The following RPH3A variants were observed in gnomAD, a reference collection of about 807,000 sequenced individuals.
The protein encoded by RPH3A is rabphilin-3A.
A neutral mutation model predicts 102.2 loss-of-function variants in RPH3A; 48 were observed. The ratio of observed to expected loss-of-function variants is 0.47; its 90% confidence interval spans 0.37 to 0.60. The LOEUF (loss-of-function observed/expected upper bound fraction) is 0.60. Ranked by LOEUF, RPH3A falls within the 20% of genes least tolerant of loss-of-function variation. The pLI, the probability that RPH3A is intolerant of heterozygous loss-of-function variation, is 0.00. For missense variants in RPH3A, 781 were observed against 910.1 expected (o/e 0.86, Z 1.83); for synonymous variants, 310 against 324.3 (o/e 0.96, Z 0.47).
chr12:112,716,836 T>C (rs1030064236), intron 1 of RPH3A, among the ~76,000 whole-genome samples: 5 of 152,248 alleles, frequency 3.3e-5, no homozygotes, highest in Non-Finnish European at 5.9e-5. Flanking sequence ...GTGCTAAGCA[T>C]GGCACTGGAC....
chr12:112,769,215 C>T (rs1284217691), intron 1 of RPH3A, among the ~76,000 whole-genome samples: 1 of 152,238 alleles, frequency 6.6e-6, no homozygotes, highest in Non-Finnish European at 1.5e-5. Flanking sequence ...TCATGGGTTT[C>T]TCTTGCAGAT....
At chr12:112,778,642 C>T (rs975792120) in intron 1 of RPH3A, among the ~76,000 whole-genome samples, 1 of 152,082 alleles carries the variant, frequency 6.6e-6, no homozygotes, top group African/African-American at 2.4e-5. Flanking sequence ...CATATAATGG[C>T]GTCAGGAATC....
intron 1 of RPH3A, among the ~76,000 whole-genome samples, chr12:112,750,797 T>C (rs897257468): frequency 1.3e-5 from 2 of 152,288 alleles, no homozygotes; most frequent in East Asian, 1.9e-4. Context: ...GCCACAGTTA[T>C]GGGTTCAGGG....
chr12:112,746,148 C>T (rs2040744061), intron 1 of RPH3A, among the ~76,000 whole-genome samples: 1 of 152,032 alleles, frequency 6.6e-6, no homozygotes, highest in South Asian at 2.1e-4. Context: ...TACCTTCTTT[C>T]ATCCCTCCCT....
chr12:112,705,809 G>A (rs2136031767), intron 1 of RPH3A, among the ~76,000 whole-genome samples: 1 of 152,226 alleles, frequency 6.6e-6, no homozygotes. Context: ...CTTAACTGCT[G>A]TTTTAAAATC....
At chr12:112,738,794 A>G (rs1216093214) in intron 1 of RPH3A, among the ~76,000 whole-genome samples, 1 of 152,126 alleles carries the variant, frequency 6.6e-6, no homozygotes, top group African/African-American at 2.4e-5. Flanking sequence ...ACATTTCATA[A>G]TCCTAATTGT....
At chr12:112,818,638 G>A (rs924927150) in intron 2 of RPH3A, among the ~76,000 whole-genome samples, 11 of 152,158 alleles carry the variant, frequency 7.2e-5, no homozygotes, top group Non-Finnish European at 1.3e-4. Context: ...CCTAAGGGGT[G>A]TAATACACTG....
chr12:112,627,994 C>T (rs1385047753), intron 1 of RPH3A, among the ~76,000 whole-genome samples: 1 of 87,980 alleles, frequency 1.1e-5, no homozygotes, highest in East Asian at 2.9e-4. Flanking sequence ...ATCAAAGGGC[C>T]GGGGGCGGGG....
chr12:112,671,170 C>T lies in RPH3A; in HGVS notation c.-140+95851C>T, dbSNP rs185625019. 4.6e-5 allele frequency among the ~76,000 whole-genome samples: 7 copies of T among 152,314 alleles called. No homozygotes were observed. The East Asian group carries it at 1.3e-3, about 29-fold the overall frequency. ...TGAACATGAAAGCACTTGGCAGGGG[C>T]CAGTTCCTACTCTGGCCTCTTCATA... On this transcript the variant is annotated intron_variant, in intron 1 of 21. Transcript: ENST00000543106.
At chr12:112,798,229 G>C (rs959513112) in intron 2 of RPH3A, among the ~76,000 whole-genome samples, 10 of 152,160 alleles carry the variant, frequency 6.6e-5, no homozygotes, top group Non-Finnish European at 1.5e-4. Flanking sequence ...CAGGAAGCTG[G>C]GTTTTTTACC....
At chr12:112,775,792 AG>A (rs768195928) in intron 1 of RPH3A, among the ~76,000 whole-genome samples, 1 of 152,178 alleles carries the variant, frequency 6.6e-6, no homozygotes, top group Non-Finnish European at 1.5e-5. Context: ...CAGTGGTGGT[AG>A]GGGGAAATCC....
At chr12:112,594,897 A>G (rs879460496) in intron 1 of RPH3A, among the ~76,000 whole-genome samples, 2 of 152,208 alleles carry the variant, frequency 1.3e-5, no homozygotes, top group Non-Finnish European at 2.9e-5. Context: ...CGATGCATGC[A>G]AGTCCCAACT....
At chr12:112,783,255 C>G (rs1178430999) in intron 1 of RPH3A, among the ~76,000 whole-genome samples, 1 of 152,144 alleles carries the variant, frequency 6.6e-6, no homozygotes, top group African/African-American at 2.4e-5. Flanking sequence ...GGAGTCAGTG[C>G]TGGAGTAGGG....
At chr12:112,596,831 T>C (rs2039520636) in intron 1 of RPH3A, among the ~76,000 whole-genome samples, 1 of 152,214 alleles carries the variant, frequency 6.6e-6, no homozygotes, top group African/African-American at 2.4e-5. Context: ...ATATTAAATC[T>C]TCCAATCCAT....
intron 2 of RPH3A, among the ~76,000 whole-genome samples, chr12:112,812,509 G>A (rs2041595503): frequency 6.6e-6 from 1 of 152,212 alleles, no homozygotes; most frequent in Non-Finnish European, 1.5e-5. Flanking sequence ...GGCTTACAGG[G>A]AGAAACCAGC....
Position 112,677,420 on chromosome 12 carries a change from TC to T in RPH3A, c.-140+102103del, listed in dbSNP as rs1476800433. On this transcript the variant is annotated intron_variant, in intron 1 of 21. Transcript: ENST00000543106. ...CTCCCTCCCTCCCTCCTTCCCTCCT[TC>T]CTTCCTTCCTTCCTTCCTTCCTTCC... is the stretch of plus-strand genomic sequence containing the variant. 6.9e-3 allele frequency among the ~76,000 whole-genome samples: 176 copies of T among 25,688 alleles called. 10 individuals carry two copies. The highest frequency in any genetic ancestry group is 0.023 in the African/African-American group (163 of 7,108). 16.9% of individuals were successfully genotyped at this position (25,688 alleles called of 152,430 possible).
chr12:112,673,596 T>C (rs1057340600), intron 1 of RPH3A, among the ~76,000 whole-genome samples: 3 of 152,100 alleles, frequency 2.0e-5, no homozygotes, highest in Non-Finnish European at 4.4e-5. Context: ...GTACATGAGA[T>C]GTTTTGATAC....
chr12:112,695,273 T>A (rs893184190), intron 1 of RPH3A: 1 of 166,826 alleles, frequency 6.0e-6, no homozygotes, highest in African/African-American at 2.4e-5. Context: ...GTGTATATCC[T>A]AACCAAAATT....
intron 1 of RPH3A, among the ~76,000 whole-genome samples, chr12:112,703,390 C>G (rs1703065443): frequency 6.6e-6 from 1 of 152,188 alleles, no homozygotes; most frequent in Non-Finnish European, 1.5e-5. Context: ...ACTTTCCCAT[C>G]CTTAGTCAGA....
Sources: gnomAD v4.1 joint callset for allele counts (sites outside exome capture counted in the v4.1 genomes callset) on GRCh38, gnomAD v4.1.1 for gene constraint, MANE v1.5 for transcripts, NCBI Gene and HGNC (gene_info 2026-07-23, HGNC 2026-07-21) for gene names.